Variants in CDH18 observed in about 807,000 individuals in gnomAD.
The protein encoded by CDH18 is cadherin 18.
A neutral mutation model predicts 67.9 loss-of-function variants in CDH18; 31 were observed. The observed-to-expected ratio is 0.46, with a 90% CI of 0.34 to 0.62. The LOEUF is 0.62. CDH18 is among the 20% of genes least tolerant of loss of function. The probability of loss-of-function intolerance (pLI) is 0.01; values close to 1 mark genes in which losing one functional copy is unlikely to be tolerated. For missense variants in CDH18, 890 were observed against 975.5 expected (o/e 0.91, Z 1.17); for synonymous variants, 362 against 347.2 (o/e 1.04, Z -0.48).
At chr5:20,386,803 A>C (rs573879798) in intron 1 of CDH18, among the ~76,000 whole-genome samples, 1 of 152,248 alleles carries the variant, frequency 6.6e-6, no homozygotes, top group East Asian at 1.9e-4. Context: ...TTATCCCAAT[A>C]ATTATTTTAC....
At chr5:19,560,740 G>C (rs1206039574) in intron 8 of CDH18, among the ~76,000 whole-genome samples, 1 of 151,694 alleles carries the variant, frequency 6.6e-6, no homozygotes, top group Non-Finnish European at 1.5e-5. Flanking sequence ...ACTGAGTGGG[G>C]GAAAATCTTC....
At chr5:19,949,668 T>C (rs1000197599) in intron 2 of CDH18, among the ~76,000 whole-genome samples, 4 of 152,172 alleles carry the variant, frequency 2.6e-5, no homozygotes, top group African/African-American at 7.2e-5. Context: ...GAAAAATTTT[T>C]GCTAAACAAT....
intron 4 of CDH18, among the ~76,000 whole-genome samples, chr5:19,726,198 G>A (rs1440660753): frequency 2.0e-5 from 3 of 152,174 alleles, no homozygotes; most frequent in Non-Finnish European, 4.4e-5. Context: ...AAGGAAAAGA[G>A]ATGAAAAAGG....
rs79444462 is a variant in CDH18 at position 20,520,441 on chromosome 5, G to A, written c.-580+55021C>T. ...GTCTGATGTAGAGGCCAGACTCTTT[G>A]GCATAAGTTTGTACCACACACTTAA... On this transcript the variant is annotated intron_variant, in intron 1 of 14. Coordinates refer to the CDH18 transcript ENST00000507958. Among the ~76,000 whole-genome samples, 752 of 152,096 alleles carry A rather than the reference G, an allele frequency of 4.9e-3. 9 individuals carry two copies. The highest frequency in any genetic ancestry group is 0.017 in the African/African-American group (719 of 41,522).
chr5:20,318,120 A>T (rs72745049), intron 1 of CDH18, among the ~76,000 whole-genome samples: 8 of 152,196 alleles, frequency 5.3e-5, no homozygotes, highest in African/African-American at 1.4e-4. Context: ...TGTAACATCT[A>T]TTAGCACCTG....
chr5:20,170,091 G>A (rs1736578296), intron 2 of CDH18, among the ~76,000 whole-genome samples: 1 of 151,910 alleles, frequency 6.6e-6, no homozygotes, highest in African/African-American at 2.4e-5. Flanking sequence ...GTAAATATGT[G>A]ACATGGGTTT....
intron 3 of CDH18, among the ~76,000 whole-genome samples, chr5:19,776,731 T>C (rs1215279743): frequency 6.6e-6 from 1 of 152,160 alleles, no homozygotes; most frequent in African/African-American, 2.4e-5. Flanking sequence ...AGTGGCACCA[T>C]AGTGAAATAA....
chr5:19,478,450 C>G (rs1579678028), intron 12 of CDH18: 2 of 152,096 alleles, frequency 1.3e-5, no homozygotes, highest in African/African-American at 4.8e-5. Context: ...GATTTTTAAA[C>G]CAAGGGTAGC....
intron 2 of CDH18, among the ~76,000 whole-genome samples, chr5:19,897,368 CA>C (rs1789459411): frequency 6.6e-6 from 1 of 152,070 alleles, no homozygotes. Context: ...ATGAAGACCA[CA>C]AGGTGATACC....
intron 6 of CDH18, among the ~76,000 whole-genome samples, chr5:19,602,965 C>CA (rs59378168): frequency 1.5e-3 from 232 of 149,982 alleles, no homozygotes; most frequent in African/African-American, 5.1e-3. Context: ...AACTCCATCT[C>CA]AAAAAAAAAA....
intron 2 of CDH18, among the ~76,000 whole-genome samples, chr5:19,937,004 A>G (rs1401453765): frequency 6.6e-6 from 1 of 151,334 alleles, no homozygotes; most frequent in African/African-American, 2.4e-5. Flanking sequence ...TACTCTTTTC[A>G]AGTATTTATG....
chr5:19,511,039 T>C (rs1355000536), intron 10 of CDH18, among the ~76,000 whole-genome samples: 1 of 152,148 alleles, frequency 6.6e-6, no homozygotes, highest in African/African-American at 2.4e-5. Context: ...CTTGAACTCC[T>C]GACCTCAGAT....
intron 1 of CDH18, among the ~76,000 whole-genome samples, chr5:20,562,051 A>G (rs1383936234): frequency 6.6e-6 from 1 of 151,970 alleles, no homozygotes; most frequent in Non-Finnish European, 1.5e-5. Flanking sequence ...CAAAGGTATT[A>G]CAATAAAAAT....
intron 1 of CDH18, among the ~76,000 whole-genome samples, chr5:20,464,653 G>A (rs939067179): frequency 6.6e-6 from 1 of 152,128 alleles, no homozygotes; most frequent in Non-Finnish European, 1.5e-5. Flanking sequence ...GCATTTTAAA[G>A]TACTTGTGAG....
intron 1 of CDH18, among the ~76,000 whole-genome samples, chr5:20,507,321 C>A (rs1754719518): frequency 6.6e-6 from 1 of 152,134 alleles, no homozygotes; most frequent in Non-Finnish European, 1.5e-5. Flanking sequence ...ATGTGTACAT[C>A]CCCAGTGTTG....
At chr5:19,682,581 T>C (rs1374404381) in intron 5 of CDH18, among the ~76,000 whole-genome samples, 2 of 152,072 alleles carry the variant, frequency 1.3e-5, no homozygotes, top group African/African-American at 4.8e-5. Context: ...TGTTGTTGTT[T>C]CCCAGCTCCA....
upstream of CDH18, among the ~76,000 whole-genome samples, chr5:19,991,006 G>A (rs1219364994): frequency 6.6e-6 from 1 of 152,168 alleles, no homozygotes; most frequent in Non-Finnish European, 1.5e-5. Flanking sequence ...CCTTGGGAGA[G>A]TTATTAGAAT....
intron 6 of CDH18, among the ~76,000 whole-genome samples, chr5:19,610,139 A>G (rs1054214823): frequency 3.3e-5 from 5 of 152,082 alleles, no homozygotes; most frequent in African/African-American, 1.2e-4. Flanking sequence ...CCTCCTTTTC[A>G]AAACTCTAAG....
intron 1 of CDH18, among the ~76,000 whole-genome samples, chr5:20,559,753 G>A (rs1039086818): frequency 1.3e-4 from 20 of 151,964 alleles, no homozygotes; most frequent in African/African-American, 3.9e-4. Flanking sequence ...CTGTCTAAGC[G>A]CCTACAAGAT....
Sources: allele counts gnomAD v4.1 joint callset (sites outside exome capture counted in the v4.1 genomes callset), GRCh38; gene constraint gnomAD v4.1.1; transcripts MANE v1.5; gene names NCBI Gene and HGNC (gene_info 2026-07-23, HGNC 2026-07-21).